Variants in CRY1 observed in about 807,000 individuals in gnomAD.
CRY1 encodes the protein cryptochrome circadian regulator 1, also known as cryptochrome-1.
CRY1 carries 45 observed loss-of-function variants against 76.0 expected under a neutral mutation model. The ratio of observed to expected loss-of-function variants is 0.59; its 90% CI spans 0.47 to 0.76. The LOEUF is 0.76. CRY1 is among the 30% of genes least tolerant of loss of function. The pLI is 0.00. For synonymous variants in CRY1, 248 were observed against 244.0 expected (o/e 1.02, Z -0.15); for missense variants, 587 against 716.4 (o/e 0.82, Z 2.06).
chr12:107,013,260 C>A (rs886985168), intron 2 of CRY1, among the ~76,000 whole-genome samples: 3 of 152,164 alleles, frequency 2.0e-5, no homozygotes, highest in Non-Finnish European at 4.4e-5. Context: ...CAACCATCAG[C>A]AACCACTACC....
intron 2 of CRY1, among the ~76,000 whole-genome samples, chr12:107,016,649 T>C (rs1223600997): frequency 1.3e-5 from 2 of 152,230 alleles, no homozygotes; most frequent in South Asian, 2.1e-4. Context: ...CTACTATTTA[T>C]ATACTGAAGA....
chr12:107,037,345 A>G (rs1229214960), intron 1 of CRY1, among the ~76,000 whole-genome samples: 1 of 152,186 alleles, frequency 6.6e-6, no homozygotes, highest in Non-Finnish European at 1.5e-5. Context: ...CAGCCTGGCC[A>G]ACATGGTGAA....
chr12:107,008,793 C>T (rs910196566), intron 2 of CRY1, among the ~76,000 whole-genome samples: 5 of 152,106 alleles, frequency 3.3e-5, no homozygotes, highest in African/African-American at 9.7e-5. Flanking sequence ...GGGTTTCGCC[C>T]GTGCTGTTCT....
In CRY1 at chr12:107,000,091, A is replaced by T; in HGVS notation, c.685-9T>A. ...AAATTTGCCACCCAAGCCTGAAAACACACAGAGAAAATTATATTAACTAAT... is the reference window on the plus strand; with the variant it reads ...AAATTTGCCACCCAAGCCTGAAAACTCACAGAGAAAATTATATTAACTAAT... On this transcript the variant is annotated splice_polypyrimidine_tract_variant and intron_variant, in intron 5 of 12. Coordinates refer to ENST00000008527, the MANE Select transcript of CRY1 (RefSeq NM_004075.5). 1 of 1,583,990 alleles carries T rather than the reference A, an allele frequency of 6.3e-7. No individual in the cohort carries two copies. Among genetic ancestry groups the T allele is most frequent in the Non-Finnish European group, 8.5e-7 (1 of 1,171,404 alleles).
chr12:107,037,743 C>G (rs1368972272), intron 1 of CRY1, among the ~76,000 whole-genome samples: 1 of 151,996 alleles, frequency 6.6e-6, no homozygotes, highest in Non-Finnish European at 1.5e-5. Context: ...GAGTCTCACT[C>G]TGTTGCCCAG....
At chr12:107,068,854 G>C (rs1437232525) in intron 1 of CRY1, among the ~76,000 whole-genome samples, 13 of 151,994 alleles carry the variant, frequency 8.6e-5, no homozygotes, top group Non-Finnish European at 1.8e-4. Flanking sequence ...TGTGATCTTT[G>C]GTGTCTGGTT....
At chr12:106,997,196 CAG>C (rs1404616650) in intron 10 of CRY1, 96 bp downstream of exon 10, 1 of 1,114,894 alleles carries the variant, frequency 9.0e-7, no homozygotes, top group Non-Finnish European at 1.3e-6. Context: ...ATTTCAAAGA[CAG>C]ATTTTTATAA....
intron 2 of CRY1, among the ~76,000 whole-genome samples, chr12:107,013,871 T>G (rs1472940791): frequency 6.6e-6 from 1 of 152,238 alleles, no homozygotes; most frequent in Non-Finnish European, 1.5e-5. Context: ...TATACTGTGT[T>G]GAATAAATCA....
At chr12:107,092,625 T>C (rs1565850441) in intron 1 of CRY1, among the ~76,000 whole-genome samples, 179 bp downstream of exon 1, 1 of 152,204 alleles carries the variant, frequency 6.6e-6, no homozygotes, top group Non-Finnish European at 1.5e-5. Context: ...TCGTCAGTAC[T>C]CTTTGGCCAG....
chr12:107,024,837 C>G (rs181217099), intron 1 of CRY1, among the ~76,000 whole-genome samples: 1 of 152,240 alleles, frequency 6.6e-6, no homozygotes, highest in Non-Finnish European at 1.5e-5. Context: ...GTTCTTCTTC[C>G]ACAGATATAA....
chr12:107,086,284 G>GA (rs1246283806), intron 1 of CRY1, among the ~76,000 whole-genome samples: 1 of 152,210 alleles, frequency 6.6e-6, no homozygotes, highest in East Asian at 1.9e-4. Flanking sequence ...ATACAAATTT[G>GA]AAAAATTTAC....
intron 1 of CRY1, among the ~76,000 whole-genome samples, chr12:107,073,689 A>G (rs1953218437): frequency 6.6e-6 from 1 of 152,138 alleles, no homozygotes; most frequent in Non-Finnish European, 1.5e-5. Flanking sequence ...AGATTGCACC[A>G]TTGCACTCCA....
Position 107,059,208 on chromosome 12 carries a change from AC to A in CRY1, c.158+33595del, listed in dbSNP as rs374268511. ...TTCATTATTTTTAATGTAAGTTACA[AC>A]CCCCCAAATTGATATCATAACCAAA... On this transcript the variant is annotated intron_variant, in intron 1 of 12. Coordinates refer to ENST00000008527, the MANE Select transcript of CRY1 (RefSeq NM_004075.5). 5.7e-4 allele frequency among the ~76,000 whole-genome samples: 87 copies of A among 152,172 alleles called. No homozygotes were observed. In the East Asian group the frequency reaches 0.014, roughly 24 times the overall value.
At chr12:107,032,195 A>G (rs896882017) in intron 1 of CRY1, among the ~76,000 whole-genome samples, 2 of 152,120 alleles carry the variant, frequency 1.3e-5, no homozygotes, top group African/African-American at 2.4e-5. Flanking sequence ...CGGCCTCCCA[A>G]AGTGCTGGGA....
chr12:107,001,743 C>T (rs767843285), intron 4 of CRY1, 21 bp downstream of exon 4: 10 of 1,509,370 alleles, frequency 6.6e-6, no homozygotes, highest in African/African-American at 1.4e-5. Flanking sequence ...AAGCCTCACA[C>T]TGACTACAGT....
intron 1 of CRY1, among the ~76,000 whole-genome samples, chr12:107,067,507 T>A (rs1297426926): frequency 6.6e-6 from 1 of 152,110 alleles, no homozygotes; most frequent in Non-Finnish European, 1.5e-5. Flanking sequence ...AAGTTCCCAA[T>A]CTTTTCTTTT....
rs1308534544 is a variant in CRY1 at position 107,069,551 on chromosome 12, TATATATATA to T, written c.158+23244_158+23252del. Among the ~76,000 whole-genome samples the T allele has an allele frequency of 3.6e-5, 5 of 137,382 alleles. No homozygotes were observed. The East Asian group carries it at 8.2e-4, about 23-fold the overall frequency. The allele number at this position is 137,382 out of a possible 152,430, so 90.1% of individuals were successfully genotyped here. A position where few individuals can be genotyped will look rare whatever the true frequency, so the allele number is the denominator to read the frequency against. ...TTATATATATATTATATATATAAAG[TATATATATA>T]ATATATATATAAAGTATATATATAA... On this transcript the variant is annotated intron_variant, in intron 1 of 12. Transcript: ENST00000008527.
At chr12:106,994,700 T>C (rs182625908) in intron 10 of CRY1, among the ~76,000 whole-genome samples, 4 of 152,284 alleles carry the variant, frequency 2.6e-5, no homozygotes, top group Non-Finnish European at 4.4e-5. Context: ...ACGACACAGG[T>C]TTGAGTGGTC....
chr12:107,015,173 G>A (rs1226036746), intron 2 of CRY1, among the ~76,000 whole-genome samples: 1 of 152,186 alleles, frequency 6.6e-6, no homozygotes, highest in Non-Finnish European at 1.5e-5. Context: ...ACCACGCCCA[G>A]CCTTTAAAGA....
Sources: allele counts gnomAD v4.1 joint callset (sites outside exome capture counted in the v4.1 genomes callset), GRCh38; gene constraint gnomAD v4.1.1; transcripts MANE v1.5; gene names NCBI Gene and HGNC (gene_info 2026-07-23, HGNC 2026-07-21).